Variants in TTC7B observed in about 807,000 individuals in gnomAD.
TTC7B encodes the protein tetratricopeptide repeat domain 7B, also known as tetratricopeptide repeat protein 7B.
In TTC7B, 28 loss-of-function variants were observed where a neutral mutation model predicts 106.8. That is an observed-to-expected ratio of 0.26 (90% CI 0.19 to 0.36). TTC7B has a LOEUF of 0.36. TTC7B is among the 10% of genes least tolerant of loss of function. TTC7B has a pLI of 1.00. For missense variants in TTC7B, 862 were observed against 1,076.4 expected, an observed-to-expected ratio of 0.80 and a Z score of 2.79; for synonymous variants, 405 against 430.6, an observed-to-expected ratio of 0.94 and a Z score of 0.74.
Position 90,540,288 on chromosome 14 carries a change from C to T in TTC7B, c.*1080G>A, listed in dbSNP as rs1363297263. On this transcript the variant is annotated 3_prime_UTR_variant, in exon 20 of 20. Transcript: ENST00000328459. ...AAACAAACAAACAAAATTAGCCGGGCATGCTAGTGTGCGCCTGTGATCCCA... is the reference window on the plus strand; with the variant it reads ...AAACAAACAAACAAAATTAGCCGGGTATGCTAGTGTGCGCCTGTGATCCCA... The T allele has an allele frequency of 2.0e-5, 3 of 152,248 alleles. No individual in the cohort carries two copies. The highest frequency in any genetic ancestry group is 2.9e-5 in the Non-Finnish European group (2 of 68,108). 9.4% of individuals were successfully genotyped at this position (152,248 alleles called of 1,614,324 possible). A position where few individuals can be genotyped will look rare whatever the true frequency, so the allele number is the denominator to read the frequency against.
intron 9 of TTC7B, among the ~76,000 whole-genome samples, 186 bp from the exon 10 acceptor site, chr14:90,658,573 C>T (rs1045431415): frequency 8.5e-5 from 13 of 152,200 alleles, no homozygotes; most frequent in South Asian, 4.1e-4. Flanking sequence ...TGCACCATGC[C>T]GGTGGCCAGG....
chr14:90,782,205 T>C (rs1031815704), intron 2 of TTC7B, among the ~76,000 whole-genome samples: 3 of 152,024 alleles, frequency 2.0e-5, no homozygotes, highest in African/African-American at 4.8e-5. Context: ...GCAGGACTGA[T>C]GGGAGCAAAA....
At chr14:90,564,802 T>C (rs1022090853) in intron 19 of TTC7B, among the ~76,000 whole-genome samples, 2 of 152,164 alleles carry the variant, frequency 1.3e-5, no homozygotes, top group African/African-American at 4.8e-5. Context: ...CCCTAGCTAC[T>C]TGGGAGGCTG....
rs1277695670 is a variant in TTC7B at position 90,529,681 on chromosome 14, A to G, written c.*11687T>C. ...CTGTATCCGTAATAACTGTATGCAT[A>G]TCATAGCACTGTCATGAGGATTAGA... On this transcript the variant is annotated 3_prime_UTR_variant, in exon 20 of 20. Coordinates refer to ENST00000328459, the MANE Select transcript of TTC7B (RefSeq NM_001010854.2). The G allele has an allele frequency of 6.6e-6, 1 of 152,214 alleles. No individual in the cohort carries two copies. The highest frequency in any genetic ancestry group is 2.4e-5 in the African/African-American group (1 of 41,456). 9.4% of individuals were successfully genotyped at this position (152,214 alleles called of 1,614,324 possible).
At chr14:90,690,447 C>G (rs532269292) in intron 6 of TTC7B, among the ~76,000 whole-genome samples, 26 of 152,354 alleles carry the variant, frequency 1.7e-4, no homozygotes, top group Admixed American at 7.2e-4. Flanking sequence ...GCTTCCCAAA[C>G]TTCTGTAATT....
chr14:90,614,905 T>A (rs1893008968), intron 16 of TTC7B, among the ~76,000 whole-genome samples: 1 of 152,122 alleles, frequency 6.6e-6, no homozygotes. Flanking sequence ...CACACTGTCT[T>A]GAGTGGCTGG....
intron 19 of TTC7B, chr14:90,569,796 C>A (rs1890955730): frequency 6.6e-6 from 1 of 152,380 alleles, no homozygotes; most frequent in Admixed American, 6.5e-5. Flanking sequence ...CAGGCAGGTG[C>A]CTGCCCCCTG....
At chr14:90,605,574 A>G (rs550446441) in intron 17 of TTC7B, 3 of 1,265,970 alleles carry the variant, frequency 2.4e-6, no homozygotes, top group African/African-American at 1.5e-5. Flanking sequence ...TAGGTCTCAC[A>G]AGAAAGGAAA....
At chr14:90,564,149 C>T (rs929212274) in intron 19 of TTC7B, among the ~76,000 whole-genome samples, 4 of 151,980 alleles carry the variant, frequency 2.6e-5, no homozygotes, top group Non-Finnish European at 5.9e-5. Context: ...CTATCTATGT[C>T]TAAATCGCTC....
intron 4 of TTC7B, among the ~76,000 whole-genome samples, chr14:90,739,466 C>A (rs927497096): frequency 6.6e-6 from 1 of 152,210 alleles, no homozygotes; most frequent in South Asian, 2.1e-4. Context: ...TGCATCTAAT[C>A]CAGTTTGGAA....
intron 15 of TTC7B, among the ~76,000 whole-genome samples, chr14:90,627,273 A>G (rs1884486445): frequency 6.6e-6 from 1 of 152,122 alleles, no homozygotes; most frequent in African/African-American, 2.4e-5. Flanking sequence ...GGTGTGAGCC[A>G]CTGCACCTGG....
rs149621026 is a variant in TTC7B at position 90,741,389 on chromosome 14, G to C, written c.576+3403C>G. Among the ~76,000 whole-genome samples the C allele has an allele frequency of 4.2e-3, 638 of 152,212 alleles. 6 individuals are homozygous for C. The highest frequency in any genetic ancestry group is 0.015 in the African/African-American group (608 of 41,520). On this transcript the variant is annotated intron_variant, in intron 4 of 19. Coordinates refer to ENST00000328459, the MANE Select transcript of TTC7B (RefSeq NM_001010854.2). ...CTCTTGCTAGTGAATAAAGTTAAACGCCAGGACTAATAAATAAAAGGCCCA... is the reference window on the plus strand; with the variant it reads ...CTCTTGCTAGTGAATAAAGTTAAACCCCAGGACTAATAAATAAAAGGCCCA...
chr14:90,585,956 G>A (rs1287444238), intron 18 of TTC7B, among the ~76,000 whole-genome samples: 1 of 152,194 alleles, frequency 6.6e-6, no homozygotes, highest in Non-Finnish European at 1.5e-5. Flanking sequence ...CAGCGGCACT[G>A]CCCACCGGCC....
chr14:90,780,452 A>AAAAG (rs1265265875), intron 3 of TTC7B, among the ~76,000 whole-genome samples: 6 of 117,734 alleles, frequency 5.1e-5, no homozygotes, highest in Non-Finnish European at 1.0e-4. Context: ...AGAAGGAAAG[A>AAAAG]AAAGAAAGAA....
At chr14:90,544,817 A>C (rs1015984213) in intron 19 of TTC7B, among the ~76,000 whole-genome samples, 1 of 152,092 alleles carries the variant, frequency 6.6e-6, no homozygotes, top group African/African-American at 2.4e-5. Context: ...TACTAAATAC[A>C]CACAACAGGT....
At chr14:90,584,640 C>T (rs1347946841) in intron 18 of TTC7B, among the ~76,000 whole-genome samples, 1 of 152,034 alleles carries the variant, frequency 6.6e-6, no homozygotes, top group Non-Finnish European at 1.5e-5. Context: ...TCAGAACGGC[C>T]CCGAGATCTT....
At chr14:90,751,336 C>A (rs2140007708) in intron 3 of TTC7B, among the ~76,000 whole-genome samples, 1 of 152,324 alleles carries the variant, frequency 6.6e-6, no homozygotes, top group Admixed American at 6.5e-5. Flanking sequence ...CCCTGCCACA[C>A]AAGAGCGCTC....
Position 90,577,950 on chromosome 14 carries a change from C to T in TTC7B, c.2310+156G>A, listed in dbSNP as rs969927381. Among the ~76,000 whole-genome samples, 6 of 152,230 alleles carry T rather than the reference C, an allele frequency of 3.9e-5. No homozygotes were observed. The highest frequency in any genetic ancestry group is 7.2e-5 in the African/African-American group (3 of 41,466). On this transcript the variant is annotated intron_variant, in intron 19 of 19. Coordinates refer to ENST00000328459, the MANE Select transcript of TTC7B (RefSeq NM_001010854.2). This position sits in a 1 kb window ranked among gnomAD's most constrained non-coding sequence, Gnocchi z 5.0. Reference sequence around the variant, plus strand: ...CCATTTGCATAAACTATGGTAGAAACGGTGCCCTCTGGCTTCAGGCCATGT... The same window carrying T: ...CCATTTGCATAAACTATGGTAGAAATGGTGCCCTCTGGCTTCAGGCCATGT...
chr14:90,594,341 G>C (rs1047970274), intron 17 of TTC7B, among the ~76,000 whole-genome samples: 1 of 152,032 alleles, frequency 6.6e-6, no homozygotes, highest in South Asian at 2.1e-4. Context: ...CTAAGGAGAG[G>C]GGTCAACCAA....
Sources: allele counts gnomAD v4.1 joint callset (sites outside exome capture counted in the v4.1 genomes callset), GRCh38; gene constraint gnomAD v4.1.1; non-coding constraint Gnocchi (gnomAD v3.1); transcripts MANE v1.5; gene names NCBI Gene and HGNC (gene_info 2026-07-23, HGNC 2026-07-21).